The following CFAP95 variants were observed in gnomAD, a reference collection of about 807,000 sequenced individuals.
The protein encoded by CFAP95 is cilia- and flagella-associated protein 95.
At chr9:69,846,451 C>T in the CFAP95 span, among the ~76,000 whole-genome samples, 33 of 152,310 alleles carry the variant, frequency 2.2e-4, no homozygotes, top group Admixed American at 1.6e-3. Context: ...ACTGAGGAAT[C>T]ACTATTTCTG....
At chr9:69,858,045 G>A in the CFAP95 span, 1 of 1,471,230 alleles carries the variant, frequency 6.8e-7, no homozygotes, top group Non-Finnish European at 9.5e-7. Flanking sequence ...GTTTGCAGGG[G>A]CAAAGGTATG....
the CFAP95 span, among the ~76,000 whole-genome samples, chr9:69,853,476 G>T: frequency 6.6e-6 from 1 of 152,114 alleles, no homozygotes; most frequent in Non-Finnish European, 1.5e-5. Flanking sequence ...TAAATTAAAT[G>T]GAAATTTTAG....
chr9:69,842,408 T>C, the CFAP95 span, among the ~76,000 whole-genome samples: 2 of 152,168 alleles, frequency 1.3e-5, no homozygotes, highest in Admixed American at 1.3e-4. Flanking sequence ...AATTGACCAA[T>C]ATTCCGGTTT....
At chr9:69,879,442 GC>G in the CFAP95 span, among the ~76,000 whole-genome samples, 1 of 152,146 alleles carries the variant, frequency 6.6e-6, no homozygotes, top group African/African-American at 2.4e-5. Flanking sequence ...TGGGTTTTAT[GC>G]CTCACAGGGC....
At chr9:69,862,888 T>A in the CFAP95 span, among the ~76,000 whole-genome samples, 1 of 152,154 alleles carries the variant, frequency 6.6e-6, no homozygotes, top group Non-Finnish European at 1.5e-5. Context: ...AACATCTCAA[T>A]GAAACTAATT....
the CFAP95 span, chr9:69,844,758 C>T: frequency 1.7e-6 from 1 of 592,790 alleles, no homozygotes; most frequent in Non-Finnish European, 2.9e-6. Context: ...GACTTAGTCA[C>T]TGTGTGCTGA....
the CFAP95 span, chr9:69,821,048 C>T: frequency 2.2e-5 from 36 of 1,610,084 alleles, no homozygotes; most frequent in Non-Finnish European, 3.0e-5. Flanking sequence ...GAAGTCCCCT[C>T]GCAAGTTCCC....
At chr9:69,858,893 C>G in the CFAP95 span, among the ~76,000 whole-genome samples, 3 of 152,166 alleles carry the variant, frequency 2.0e-5, no homozygotes, top group African/African-American at 7.2e-5. Context: ...AGGTCTTATT[C>G]ACTCATCTTT....
At chr9:69,866,479 G>A in the CFAP95 span, among the ~76,000 whole-genome samples, 3 of 152,200 alleles carry the variant, frequency 2.0e-5, no homozygotes, top group Non-Finnish European at 4.4e-5. Context: ...GAGCTCAGAT[G>A]TCCAAGGTCA....
At chr9:69,861,261 C>T in the CFAP95 span, among the ~76,000 whole-genome samples, 1 of 152,134 alleles carries the variant, frequency 6.6e-6, no homozygotes, top group Non-Finnish European at 1.5e-5. Context: ...ACATACTGTA[C>T]AGCCTGTTGT....
chr9:69,853,999 C>T, the CFAP95 span, among the ~76,000 whole-genome samples: 3 of 152,200 alleles, frequency 2.0e-5, no homozygotes, highest in African/African-American at 7.2e-5. Flanking sequence ...AGTAACTGAT[C>T]ATATCTAAGT....
the CFAP95 span, among the ~76,000 whole-genome samples, chr9:69,864,850 A>G: frequency 1.3e-5 from 2 of 152,238 alleles, no homozygotes; most frequent in East Asian, 3.9e-4. Context: ...TTTGTTTTCT[A>G]CTTATGCATT....
At chr9:69,832,958 A>C in the CFAP95 span, among the ~76,000 whole-genome samples, 2 of 152,092 alleles carry the variant, frequency 1.3e-5, no homozygotes, top group Non-Finnish European at 2.9e-5. Context: ...GTAATCTTTA[A>C]TGATTAAGGT....
chr9:69,882,903 A>G, the CFAP95 span, among the ~76,000 whole-genome samples: 2 of 151,992 alleles, frequency 1.3e-5, no homozygotes, highest in East Asian at 3.9e-4. Context: ...ACTGGCCTGT[A>G]GTTTTCTTTT....
chr9:69,847,486 A>C, the CFAP95 span, among the ~76,000 whole-genome samples: 1 of 152,216 alleles, frequency 6.6e-6, no homozygotes, highest in African/African-American at 2.4e-5. Context: ...TTGGAGTACC[A>C]AACTTTTCCA....
chr9:69,890,670 G>C, the CFAP95 span, among the ~76,000 whole-genome samples: 2 of 152,164 alleles, frequency 1.3e-5, no homozygotes, highest in African/African-American at 4.8e-5. Flanking sequence ...CATTCATTCG[G>C]TCTACTACAT....
the CFAP95 span, among the ~76,000 whole-genome samples, chr9:69,842,662 G>A: frequency 6.6e-6 from 1 of 152,166 alleles, no homozygotes; most frequent in East Asian, 1.9e-4. Flanking sequence ...AGCACAGAAA[G>A]GTTAAGTGAC....
chr9:69,883,940 CT>C, the CFAP95 span, among the ~76,000 whole-genome samples: 1 of 151,812 alleles, frequency 6.6e-6, no homozygotes, highest in African/African-American at 2.4e-5. Context: ...TCAGTTTGCT[CT>C]TGCTTTTCTA....
chr9:69,899,191 A>G, the CFAP95 span, among the ~76,000 whole-genome samples: 2 of 152,198 alleles, frequency 1.3e-5, no homozygotes, highest in Admixed American at 6.5e-5. Context: ...CCGAATAGTG[A>G]CCTAGCCAAC....
Sources: allele counts gnomAD v4.1 joint callset (sites outside exome capture counted in the v4.1 genomes callset), GRCh38; gene constraint gnomAD v4.1.1; transcripts MANE v1.5; gene names NCBI Gene and HGNC (gene_info 2026-07-23, HGNC 2026-07-21).